TTC39A: variants seen among roughly 807,000 people sequenced by gnomAD.
TTC39A encodes the protein tetratricopeptide repeat protein 39A.
Under a neutral mutation model 82.3 loss-of-function variants are expected in TTC39A, and 46 were observed. The ratio of observed to expected loss-of-function variants is 0.56; its 90% CI spans 0.44 to 0.71. The LOEUF is 0.71. Ranked by LOEUF, TTC39A falls within the 30% of genes least tolerant of loss-of-function variation. TTC39A has a pLI of 0.00. For synonymous variants in TTC39A, 254 were observed against 275.2 expected (o/e 0.92, Z 0.76); for missense variants, 543 against 712.9 (o/e 0.76, Z 2.71).
intron 2 of TTC39A, among the ~76,000 whole-genome samples, chr1:51,318,169 G>A (rs1440374115): frequency 6.6e-6 from 1 of 152,240 alleles, no homozygotes; most frequent in African/African-American, 2.4e-5. Flanking sequence ...GGTGCCTGAT[G>A]TGTCTGTGCT....
In TTC39A at chr1:51,330,415, G is replaced by A; in HGVS notation, c.41+22C>T. The A allele has an allele frequency of 1.0e-6, 1 of 981,398 alleles. No individual in the cohort carries two copies. Among genetic ancestry groups the A allele is most frequent in the Non-Finnish European group, 1.2e-6 (1 of 828,930 alleles). The allele number at this position is 981,398 out of a possible 1,614,324, so 60.8% of individuals were successfully genotyped here. ...CCAGCCCGCGCCGCCCGCGCCCCCG[G>A]GCCTCCCAGCCGCGCACTTACCCCG... On this transcript the variant is annotated intron_variant, in intron 1 of 17. Transcript: ENST00000680483. The surrounding 1 kb of genome is among the most constrained non-coding windows in gnomAD (Gnocchi z 4.5).
At chr1:51,296,346 C>T (rs540980523) in intron 12 of TTC39A, among the ~76,000 whole-genome samples, 176 bp from the exon 13 acceptor site, 2 of 152,340 alleles carry the variant, frequency 1.3e-5, no homozygotes, top group African/African-American at 4.8e-5. Flanking sequence ...TCCAGGACAA[C>T]CCATGTCAAA....
At position 51,330,494 on chromosome 1, in the gene TTC39A, C is replaced by T; in HGVS notation, c.-17G>A. 1.0e-6 allele frequency: 1 copy of T among 983,444 alleles called. No individual in the cohort carries two copies. The highest frequency in any genetic ancestry group is 1.2e-6 in the Non-Finnish European group (1 of 830,080). 60.9% of individuals were successfully genotyped at this position (983,444 alleles called of 1,614,324 possible). ...CGAGGTCATCGCCGAGGGGCGCGGG[C>T]GGCGCTGCCCCAGCCGGACGCCAAT... is the stretch of plus-strand genomic sequence containing the variant. On this transcript the variant is annotated 5_prime_UTR_variant, in exon 1 of 18. Coordinates refer to ENST00000680483, the MANE Select transcript of TTC39A (RefSeq NM_001297663.2). This position sits in a 1 kb window ranked among gnomAD's most constrained non-coding sequence, Gnocchi z 4.5.
intron 12 of TTC39A, chr1:51,299,975 T>A (rs1569821729): frequency 6.6e-6 from 1 of 151,446 alleles, no homozygotes; most frequent in East Asian, 1.9e-4. Context: ...GAGTAGGAGG[T>A]GATGAGGAGG....
At chr1:51,309,609 G>T (rs1015619721) in intron 5 of TTC39A, among the ~76,000 whole-genome samples, 2 of 152,206 alleles carry the variant, frequency 1.3e-5, no homozygotes, top group Non-Finnish European at 2.9e-5. Context: ...TGGAGGGACT[G>T]CGAGAAAGGA....
intron 1 of TTC39A, among the ~76,000 whole-genome samples, chr1:51,328,335 C>T (rs540431354): frequency 1.3e-5 from 2 of 148,944 alleles, no homozygotes; most frequent in African/African-American, 2.6e-5. Flanking sequence ...GGGAACACTT[C>T]GACATCCATC....
At chr1:51,343,369 C>T (rs1322821114) in intron 1 of TTC39A, among the ~76,000 whole-genome samples, 2 of 152,236 alleles carry the variant, frequency 1.3e-5, no homozygotes, top group African/African-American at 4.8e-5. Context: ...TGGCTTCCCA[C>T]CACACAGTGA....
intron 2 of TTC39A, among the ~76,000 whole-genome samples, chr1:51,320,036 C>T (rs890821622): frequency 6.6e-6 from 1 of 152,040 alleles, no homozygotes; most frequent in Non-Finnish European, 1.5e-5. Context: ...ATGAGGGGGA[C>T]ACAAGAGACA....
At chr1:51,290,954 C>A (rs1484978047) in intron 14 of TTC39A, among the ~76,000 whole-genome samples, 2 of 152,198 alleles carry the variant, frequency 1.3e-5, no homozygotes, top group African/African-American at 4.8e-5. Flanking sequence ...TTTCTCCCAA[C>A]CTCTCTGGGG....
In TTC39A at chr1:51,344,073, G is replaced by T. The variant is rs114929292; in HGVS notation, c.53+918C>A. Among the ~76,000 whole-genome samples, 1,448 of 152,264 alleles carry T rather than the reference G, an allele frequency of 9.5e-3. 23 individuals are homozygous for T. Among genetic ancestry groups the T allele is most frequent in the African/African-American group, 0.033 (1,380 of 41,552 alleles). ...GTAAAATCAACAGGACTTGTAGACG[G>T]GGGTGGGAGAAAGGTAGGGAGGTGT... On this transcript the variant is annotated intron_variant, in intron 1 of 5. Transcript: ENST00000401051.
rs150811418 is a variant in TTC39A, at chr1:51,293,371, G to A, written c.1266+1020C>T. 8.7e-3 allele frequency among the ~76,000 whole-genome samples: 1,319 copies of A among 152,150 alleles called. 8 individuals are homozygous for A. The highest frequency in any genetic ancestry group is 0.015 in the Non-Finnish European group (988 of 67,994). On this transcript the variant is annotated intron_variant, in intron 14 of 17. Transcript: ENST00000680483. ...CGTGAGCCACCATGCCTGGCCTATG[G>A]TATATTTTAAACCATAAAATATTTT...
chr1:51,290,695 A>C, intron 14 of TTC39A, 70 bp from the exon 15 acceptor site: 2 of 1,311,618 alleles, frequency 1.5e-6, no homozygotes, highest in Non-Finnish European at 2.1e-6. Context: ...CATCTACAAA[A>C]TGGGCAGTTC....
chr1:51,335,138 T>C (rs1206832654), upstream of TTC39A: 1 of 152,380 alleles, frequency 6.6e-6, no homozygotes, highest in Non-Finnish European at 1.5e-5. Flanking sequence ...CCAGGCCTGC[T>C]TTCCTCCCTC....
At chr1:51,343,159 C>T (rs540310805) in intron 1 of TTC39A, 6 of 436,044 alleles carry the variant, frequency 1.4e-5, no homozygotes, top group Admixed American at 4.7e-5. Context: ...AACTGAAATG[C>T]ACTCTGAGCC....
intron 2 of TTC39A, among the ~76,000 whole-genome samples, chr1:51,315,669 T>C (rs35135880): frequency 0.33 from 49,670 of 152,110 alleles, 9,343 homozygotes; most frequent in African/African-American, 0.53. Context: ...TCACCCTGCC[T>C]TCTTCCTTCT....
intron 4 of TTC39A, 73 bp downstream of exon 4, chr1:51,312,046 A>C (rs1201420479): frequency 2.0e-6 from 3 of 1,497,142 alleles, no homozygotes; most frequent in Non-Finnish European, 2.7e-6. Flanking sequence ...CAGGGAAGAA[A>C]ACTGCCCCTT....
upstream of TTC39A, chr1:51,331,213 G>C (rs964038717): frequency 1.3e-6 from 2 of 1,550,040 alleles, no homozygotes; most frequent in African/African-American, 2.7e-5. Flanking sequence ...CCAACACTCT[G>C]GCCCCTTTCC....
intron 1 of TTC39A, chr1:51,325,917 C>T (rs533518349): frequency 1.3e-5 from 2 of 152,420 alleles, no homozygotes; most frequent in African/African-American, 2.4e-5. Context: ...TCGGCAGCCC[C>T]GGCACCTCTT....
At chr1:51,340,347 G>A (rs370838907) in intron 1 of TTC39A, among the ~76,000 whole-genome samples, 1 of 152,158 alleles carries the variant, frequency 6.6e-6, no homozygotes, top group East Asian at 1.9e-4. Flanking sequence ...GGCCCCGAGA[G>A]GGTCCATGAG....
Sources: gnomAD v4.1 joint callset for allele counts (sites outside exome capture counted in the v4.1 genomes callset) on GRCh38, gnomAD v4.1.1 for gene constraint, Gnocchi (gnomAD v3.1) non-coding constraint, MANE v1.5 for transcripts, NCBI Gene and HGNC (gene_info 2026-07-23, HGNC 2026-07-21) for gene names.